Variants in KIAA1586 observed in about 807,000 individuals in gnomAD.
KIAA1586 encodes E3 SUMO-protein ligase KIAA1586.
In KIAA1586, 5 loss-of-function variants were observed where a neutral mutation model predicts 6.1. That is an observed-to-expected ratio of 0.82 (90% confidence interval 0.43 to 1.73). The LOEUF (loss-of-function observed/expected upper bound fraction) is 1.73, where lower values mean the gene tolerates loss of function less well. Ranked by LOEUF, KIAA1586 falls within the 40% of genes most tolerant of loss-of-function variation. The pLI, the probability that KIAA1586 is intolerant of heterozygous loss-of-function variation, is 0.02. For synonymous variants in KIAA1586, 280 were observed against 301.7 expected, an observed-to-expected ratio of 0.93 and a Z score of 0.75; for missense variants, 899 against 878.2, an observed-to-expected ratio of 1.02 and a Z score of -0.30.
the KIAA1586 span, among the ~76,000 whole-genome samples, chr6:57,062,305 A>C: frequency 5.3e-5 from 8 of 152,300 alleles, no homozygotes; most frequent in East Asian, 1.5e-3. Flanking sequence ...TTTTCTGTAG[A>C]GGTATAGAAG....
At chr6:57,061,505 G>C in the KIAA1586 span, among the ~76,000 whole-genome samples, 2 of 152,016 alleles carry the variant, frequency 1.3e-5, no homozygotes, top group Non-Finnish European at 2.9e-5. Flanking sequence ...CAGTCCTCCT[G>C]CCTCAGTCTC....
At position 57,053,199 on chromosome 6, in the gene KIAA1586, T is replaced by A; in HGVS notation, c.700T>A (p.Leu234Ile). Reference sequence around the variant, plus strand: ...ATCAACTAATGATTCAATTTGTAATTTAGTGCATAAACAAAATAATAAAAA... The same window carrying A: ...ATCAACTAATGATTCAATTTGTAATATAGTGCATAAACAAAATAATAAAAA... ...KESTNDSICN[L>I]VHKQNNKNID... is the part of the protein sequence containing the mutation. The change falls in exon 4 of 4, where the codon TTA becomes ATA. Residue 234 changes from leucine (L) to isoleucine (I), a missense_variant. By Grantham distance (5) the Leu-to-Ile change is conservative (BLOSUM62 2). Coordinates refer to ENST00000370733, the MANE Select transcript of KIAA1586 (RefSeq NM_020931.4). 6.2e-7 allele frequency: 1 copy of A among 1,605,404 alleles called. No homozygotes were observed. The highest frequency in any genetic ancestry group is 1.1e-5 in the South Asian group (1 of 89,820).
chr6:57,062,170 A>G, the KIAA1586 span, among the ~76,000 whole-genome samples: 3 of 152,180 alleles, frequency 2.0e-5, no homozygotes, highest in African/African-American at 7.2e-5. Flanking sequence ...AGCTCAAGCA[A>G]TACACTGACC....
Position 57,053,045 on chromosome 6 carries a change from G to A in KIAA1586, c.546G>A (p.Lys182=). ...CAGAAAAGCATGTCCATGTGTCCAA[G>A]GAATGGATTGCATATTTAGTAACCC... The part of the protein sequence containing the change: ...SKAEKHVHVS[K]EWIAYLVTPN... The change falls in exon 4 of 4, where the codon AAG becomes AAA. Residue 182 remains lysine, a synonymous_variant. Transcript: ENST00000370733. 1 of 1,613,640 alleles carries A rather than the reference G, an allele frequency of 6.2e-7. No individual in the cohort carries two copies. The highest frequency in any genetic ancestry group is 8.5e-7 in the Non-Finnish European group (1 of 1,179,814).
At position 57,046,838 on chromosome 6, in the gene KIAA1586, C is replaced by T. The variant is rs1828208406; in HGVS notation, c.21+62C>T. The T allele has an allele frequency of 5.0e-6, 8 of 1,586,696 alleles. No homozygotes were observed. In the Admixed American group the frequency reaches 1.2e-4, roughly 25 times the overall value. ...GCGAACCGCGAAGGGTTTGTGTTTT[C>T]TGCGGTCTGAGGCCTGGTGCTCCGT... is the stretch of plus-strand genomic sequence containing the variant. On this transcript the variant is annotated intron_variant, in intron 1 of 3. Coordinates refer to ENST00000370733, the MANE Select transcript of KIAA1586 (RefSeq NM_020931.4).
rs974579021 is a variant in KIAA1586 at position 57,054,742 on chromosome 6, C to T, written c.2243C>T (p.Ala748Val). The change falls in exon 4 of 4, where the codon GCA becomes GTA. Residue 748 changes from alanine (A) to valine (V), a missense_variant. By Grantham distance (64) the Ala-to-Val change is moderately conservative. Transcript: ENST00000370733. ...LLGKELADWD[A>V]TPFVKSWSNC... ...GGGAAAGAATTAGCAGATTGGGATG[C>T]AACACCGTTTGTAAAATCTTGGTCA... 1.3e-6 allele frequency: 2 copies of T among 1,551,320 alleles called. No homozygotes were observed. Among genetic ancestry groups the T allele is most frequent in the Non-Finnish European group, 1.7e-6 (2 of 1,146,788 alleles).
the KIAA1586 span, among the ~76,000 whole-genome samples, chr6:57,060,736 G>A: frequency 6.6e-6 from 1 of 152,148 alleles, no homozygotes; most frequent in African/African-American, 2.4e-5. Context: ...TCAATTGCCA[G>A]GGTCACAATT....
chr6:57,064,363 G>A, the KIAA1586 span, among the ~76,000 whole-genome samples: 1 of 152,210 alleles, frequency 6.6e-6, no homozygotes, highest in African/African-American at 2.4e-5. Context: ...AGGTAGTGCA[G>A]CCAGAGTGCT....
chr6:57,066,841 TG>T, the KIAA1586 span, among the ~76,000 whole-genome samples: 1 of 152,210 alleles, frequency 6.6e-6, no homozygotes, highest in Non-Finnish European at 1.5e-5. Flanking sequence ...CTAGGTTCCC[TG>T]GGGCAGACTG....
intron 3 of KIAA1586, 46 bp downstream of exon 3, chr6:57,050,900 A>C: frequency 7.4e-7 from 1 of 1,342,908 alleles, no homozygotes; most frequent in East Asian, 2.3e-5. Context: ...TATTAAGTGC[A>C]ATAGTGTGTT....
At chr6:57,057,159 C>T (rs1255539459), downstream of KIAA1586, among the ~76,000 whole-genome samples, 1 of 150,680 alleles carries the variant, frequency 6.6e-6, no homozygotes, top group Non-Finnish European at 1.5e-5. Flanking sequence ...ACACAGGAGG[C>T]GGAGGTTGCA....
At chr6:57,061,377 C>T in the KIAA1586 span, among the ~76,000 whole-genome samples, 10 of 152,022 alleles carry the variant, frequency 6.6e-5, no homozygotes, top group Non-Finnish European at 1.2e-4. Context: ...GCATCTTGAA[C>T]GGTTCTAGTT....
chr6:57,056,655 GC>G (rs1394317062), downstream of KIAA1586, among the ~76,000 whole-genome samples: 2 of 151,300 alleles, frequency 1.3e-5, no homozygotes, highest in Non-Finnish European at 2.9e-5. Flanking sequence ...TCCCACCTCA[GC>G]CCCCTAAGTA....
chr6:57,054,801 G>A lies in KIAA1586; in HGVS notation c.2302G>A (p.Val768Ile). The A allele has an allele frequency of 6.4e-7, 1 of 1,551,166 alleles. No homozygotes were observed. Among genetic ancestry groups the A allele is most frequent in the Non-Finnish European group, 8.7e-7 (1 of 1,146,682 alleles). The change falls in exon 4 of 4, where the codon GTT (valine) becomes ATT (isoleucine). Residue 768 changes from valine (V) to isoleucine (I), a missense_variant. By Grantham distance (29) the Val-to-Ile change is conservative. Transcript: ENST00000370733. ...CCACAGGTTGGCTACAGATACAAGAGTTCGGCAAAAGTCAACAAAAGTCTT... is the reference window on the plus strand; with the variant it reads ...CCACAGGTTGGCTACAGATACAAGAATTCGGCAAAAGTCAACAAAAGTCTT... ...CNHRLATDTR[V>I]RQKSTKVFHE...
chr6:57,065,352 G>T, the KIAA1586 span, among the ~76,000 whole-genome samples: 1 of 152,092 alleles, frequency 6.6e-6, no homozygotes. Context: ...GGTATATCCG[G>T]TGTTGCTAAT....
downstream of KIAA1586, among the ~76,000 whole-genome samples, chr6:57,057,670 C>T (rs915091373): frequency 1.3e-5 from 2 of 152,080 alleles, no homozygotes; most frequent in Non-Finnish European, 2.9e-5. Flanking sequence ...AGGAGAATTG[C>T]TTGAACCTGG....
Position 57,053,510 on chromosome 6 carries a change from A to C in KIAA1586, c.1011A>C (p.Thr337=), listed in dbSNP as rs535597473. The change falls in exon 4 of 4, where the codon ACA becomes ACC. Residue 337 remains threonine (T), a synonymous_variant. Coordinates refer to ENST00000370733, the MANE Select transcript of KIAA1586 (RefSeq NM_020931.4). ...CCCTAGTGATTTATCTCCAGTGCAC[A>C]ATTCAGTCAGCTCCTGCACCTGTTA... ...KTTLVIYLQC[T]IQSAPAPVML... is the part of the protein sequence containing the mutation. 51 of 1,613,640 alleles carry C rather than the reference A, an allele frequency of 3.2e-5. No homozygotes were observed. In the East Asian group the frequency reaches 1.1e-3, roughly 35 times the overall value.
rs757295403 is a variant in KIAA1586 at position 57,054,059 on chromosome 6, TA to T, written c.1562del (p.Asn521IlefsTer8). On this transcript the variant is annotated frameshift_variant, in exon 4 of 4. Coordinates refer to ENST00000370733, the MANE Select transcript of KIAA1586 (RefSeq NM_020931.4). LOFTEE classifies it low-confidence loss of function (END_TRUNC). ...SGLAKRLANI[N>X]FLQDLALMID... ...GTTTGGCGAAGAGATTAGCTAACAT[TA>T]ATTTCTTACAAGACCTTGCTTTAAT... 7 of 1,611,430 alleles carry T rather than the reference TA, an allele frequency of 4.3e-6. No individual in the cohort carries two copies. Among genetic ancestry groups the T allele is most frequent in the Non-Finnish European group, 5.9e-6 (7 of 1,178,648 alleles).
At position 57,052,720 on chromosome 6, in the gene KIAA1586, AT is replaced by A; in HGVS notation, c.227del (p.Leu76CysfsTer4). On this transcript the variant is annotated frameshift_variant, in exon 4 of 4. Transcript: ENST00000370733. LOFTEE classifies it low-confidence loss of function (END_TRUNC). ...CCTAAAATGCCAAAACGACAGGGTG[AT>A]TTTTTGCATTTTTTAAATGTGAAGA... ...LFPKMPKRQG[D>X]FLHFLNVKKV... The A allele has an allele frequency of 6.3e-7, 1 of 1,576,104 alleles. No homozygotes were observed. Among genetic ancestry groups the A allele is most frequent in the Non-Finnish European group, 8.6e-7 (1 of 1,164,062 alleles).
Sources: gnomAD v4.1 joint callset for allele counts (sites outside exome capture counted in the v4.1 genomes callset) on GRCh38, gnomAD v4.1.1 for gene constraint, MANE v1.5 for transcripts, NCBI Gene and HGNC (gene_info 2026-07-23, HGNC 2026-07-21) for gene names.